Variants in GLRA3 observed in about 807,000 individuals in gnomAD.
GLRA3 encodes glycine receptor alpha 3, also known as glycine receptor subunit alpha-3.
Under a neutral mutation model 60.4 loss-of-function variants are expected in GLRA3, and 44 were observed. The observed-to-expected ratio is 0.73, with a 90% CI of 0.57 to 0.94. GLRA3 has a LOEUF of 0.94. GLRA3 is among the 40% of genes least tolerant of loss of function. The pLI is 0.00. For synonymous variants in GLRA3, 223 were observed against 192.9 expected (o/e 1.16, Z -1.29); for missense variants, 508 against 564.6 (o/e 0.90, Z 1.02).
At chr4:174,716,694 A>G (rs1224703000) in intron 4 of GLRA3, among the ~76,000 whole-genome samples, 1 of 152,180 alleles carries the variant, frequency 6.6e-6, no homozygotes, top group Admixed American at 6.5e-5. Flanking sequence ...TAAAATGAAG[A>G]TAACAATAGT....
intron 3 of GLRA3, among the ~76,000 whole-genome samples, chr4:174,757,692 T>A (rs1737773928): frequency 6.6e-6 from 1 of 152,172 alleles, no homozygotes; most frequent in South Asian, 2.1e-4. Context: ...TGGGAAGGAA[T>A]AAATCTCTAT....
chr4:174,760,850 TA>T (rs1737915947), intron 3 of GLRA3, among the ~76,000 whole-genome samples: 1 of 152,080 alleles, frequency 6.6e-6, no homozygotes, highest in Non-Finnish European at 1.5e-5. Context: ...GTAGAATGGA[TA>T]AATATATTAT....
chr4:174,810,929 A>C (rs1740243202), intron 1 of GLRA3, among the ~76,000 whole-genome samples: 1 of 152,190 alleles, frequency 6.6e-6, no homozygotes, highest in Non-Finnish European at 1.5e-5. Flanking sequence ...TGTTTCTCAT[A>C]GGTATTGTTG....
chr4:174,699,052 CA>C (rs1342706055), intron 5 of GLRA3, among the ~76,000 whole-genome samples: 1 of 149,930 alleles, frequency 6.7e-6, no homozygotes, highest in Non-Finnish European at 1.5e-5. Flanking sequence ...GGCTGGAGTG[CA>C]GTGGTGTGAT....
At chr4:174,672,074 A>C (rs1733928689) in intron 7 of GLRA3, among the ~76,000 whole-genome samples, 1 of 152,184 alleles carries the variant, frequency 6.6e-6, no homozygotes, top group South Asian at 2.1e-4. Flanking sequence ...CAGAATTTGC[A>C]ATCTCCACAG....
At chr4:174,819,629 A>T (rs1740655704) in intron 1 of GLRA3, among the ~76,000 whole-genome samples, 1 of 152,218 alleles carries the variant, frequency 6.6e-6, no homozygotes, top group Admixed American at 6.5e-5. Flanking sequence ...TATTTCGGGT[A>T]GTTATTCATA....
chr4:174,798,827 G>A (rs1050586304), intron 1 of GLRA3, among the ~76,000 whole-genome samples: 2 of 152,156 alleles, frequency 1.3e-5, no homozygotes, highest in African/African-American at 4.8e-5. Flanking sequence ...GGGAGGCTGA[G>A]GCAGAATGCC....
At chr4:174,823,638 G>C (rs1260334226) in intron 1 of GLRA3, among the ~76,000 whole-genome samples, 2 of 152,166 alleles carry the variant, frequency 1.3e-5, no homozygotes, top group Non-Finnish European at 2.9e-5. Flanking sequence ...AGGAGGCTTT[G>C]CTAGATATGT....
chr4:174,684,650 A>G (rs146016330), intron 5 of GLRA3, among the ~76,000 whole-genome samples: 1,831 of 152,342 alleles, frequency 0.012, 29 homozygotes, highest in African/African-American at 0.042. Flanking sequence ...TTCTTGATGC[A>G]CAATTACCAT....
At chr4:174,735,439 C>T (rs1052205436) in intron 3 of GLRA3, among the ~76,000 whole-genome samples, 6 of 152,230 alleles carry the variant, frequency 3.9e-5, no homozygotes. Flanking sequence ...CACAAATCCA[C>T]TCATTCCAAC....
At chr4:174,665,237 CTTTTT>C (rs34499494) in intron 7 of GLRA3, among the ~76,000 whole-genome samples, 21 of 127,438 alleles carry the variant, frequency 1.6e-4, no homozygotes, top group Admixed American at 2.4e-4. Context: ...TTTGTATTTA[CTTTTT>C]TTTTTTTTTT....
intron 5 of GLRA3, among the ~76,000 whole-genome samples, chr4:174,696,936 TTCATTTTTGTTTGTTTC>T (rs371974218): frequency 9.9e-5 from 15 of 152,236 alleles, no homozygotes; most frequent in African/African-American, 3.4e-4. Flanking sequence ...TACTAATGCA[TTCATTTTTGTTTGTTTC>T]TCAGTTTCTA....
chr4:174,674,885 GTC>G (rs1355474870), intron 7 of GLRA3, among the ~76,000 whole-genome samples: 1 of 152,068 alleles, frequency 6.6e-6, no homozygotes, highest in Non-Finnish European at 1.5e-5. Flanking sequence ...CTCACCTCCT[GTC>G]TCTCTGGCCC....
intron 8 of GLRA3, among the ~76,000 whole-genome samples, chr4:174,658,338 G>T (rs931689219): frequency 6.6e-6 from 1 of 152,078 alleles, no homozygotes; most frequent in Non-Finnish European, 1.5e-5. Context: ...AAAGAAAGGG[G>T]ATTGGTCAAA....
At chr4:174,762,656 A>C (rs898740798) in intron 3 of GLRA3, among the ~76,000 whole-genome samples, 11 of 152,136 alleles carry the variant, frequency 7.2e-5, no homozygotes, top group African/African-American at 2.4e-4. Context: ...CACCAAATAG[A>C]TATGCTCTGC....
chr4:174,715,352 C>T, intron 5 of GLRA3, 136 bp downstream of exon 5: 1 of 535,478 alleles, frequency 1.9e-6, no homozygotes, highest in Admixed American at 3.4e-5. Context: ...TTTTCAGTAC[C>T]TGGTGAAAGG....
At chr4:174,795,901 TTA>T (rs34056379) in intron 1 of GLRA3, among the ~76,000 whole-genome samples, 10,979 of 152,202 alleles carry the variant, frequency 0.072, 608 homozygotes, top group African/African-American at 0.15. Flanking sequence ...AGCAAAATCC[TTA>T]TGTTTTGTAA....
chr4:174,797,280 T>C (rs1739610949), intron 1 of GLRA3, among the ~76,000 whole-genome samples: 1 of 152,178 alleles, frequency 6.6e-6, no homozygotes, highest in Admixed American at 6.5e-5. Context: ...ACTAAGATTG[T>C]TAGCAAATTA....
rs568050534 is a variant in GLRA3 at position 174,795,523 on chromosome 4, G to C, written c.72-6580C>G. ...TCTGGGATGGAGGAGGAATATGTAAGAGGTGATAAACTGTTTTTAAAGTAC... is the reference window on the plus strand; with the variant it reads ...TCTGGGATGGAGGAGGAATATGTAACAGGTGATAAACTGTTTTTAAAGTAC... On this transcript the variant is annotated intron_variant, in intron 1 of 9. Transcript: ENST00000274093. Among the ~76,000 whole-genome samples, 15 of 152,236 alleles carry C rather than the reference G, an allele frequency of 9.9e-5. No individual in the cohort carries two copies. In the South Asian group the frequency reaches 2.1e-3, roughly 21 times the overall value.
Sources: allele counts gnomAD v4.1 joint callset (sites outside exome capture counted in the v4.1 genomes callset), GRCh38; gene constraint gnomAD v4.1.1; transcripts MANE v1.5; gene names NCBI Gene and HGNC (gene_info 2026-07-23, HGNC 2026-07-21).